CELF2: variants seen among roughly 807,000 people sequenced by gnomAD.
CELF2 encodes the protein CUG triplet repeat RNA-binding protein 2.
Under a neutral mutation model 62.6 loss-of-function variants are expected in CELF2, and 8 were observed. That is an observed-to-expected ratio of 0.13 (90% CI 0.07 to 0.23). The LOEUF (loss-of-function observed/expected upper bound fraction) is 0.23, where lower values mean the gene tolerates loss of function less well. Among genes scored for constraint, CELF2 ranks in the 10% least tolerant of loss-of-function variants. The pLI is 1.00. For synonymous variants in CELF2, 258 were observed against 250.0 expected (o/e 1.03, Z -0.30); for missense variants, 333 against 671.0 (o/e 0.50, Z 5.56).
At chr10:11,129,661 G>A (rs2059312409) in intron 1 of CELF2, among the ~76,000 whole-genome samples, 1 of 152,166 alleles carries the variant, frequency 6.6e-6, no homozygotes, top group African/African-American at 2.4e-5. Context: ...TAGTTTGTTT[G>A]TGTAGAGGTG....
At chr10:11,230,375 C>T (rs946587831) in intron 3 of CELF2, among the ~76,000 whole-genome samples, 3 of 152,122 alleles carry the variant, frequency 2.0e-5, no homozygotes, top group African/African-American at 4.8e-5. Context: ...TCTGTAGAAC[C>T]GGTCCTCTCC....
At chr10:10,782,379 T>C in the CELF2 span, among the ~76,000 whole-genome samples, 1 of 152,176 alleles carries the variant, frequency 6.6e-6, no homozygotes, top group Admixed American at 6.5e-5. Context: ...GCTCAATCAG[T>C]GAGGCAGAAA....
At chr10:10,511,173 G>T in the CELF2 span, among the ~76,000 whole-genome samples, 1 of 152,202 alleles carries the variant, frequency 6.6e-6, no homozygotes, top group East Asian at 1.9e-4. Context: ...ACTTTGGGAG[G>T]CCAAGGTGGA....
At chr10:10,557,757 G>T in the CELF2 span, among the ~76,000 whole-genome samples, 3 of 146,140 alleles carry the variant, frequency 2.1e-5, no homozygotes, top group African/African-American at 7.6e-5. Flanking sequence ...CACATCCCTT[G>T]TAAGTTGGAT....
At chr10:10,793,057 G>A in the CELF2 span, among the ~76,000 whole-genome samples, 162 of 152,282 alleles carry the variant, frequency 1.1e-3, 2 homozygotes, top group African/African-American at 3.5e-3. Flanking sequence ...AGACACATAC[G>A]TGGACCCCAA....
intron 2 of CELF2, among the ~76,000 whole-genome samples, chr10:10,954,553 C>T (rs2048699285): frequency 6.6e-6 from 1 of 152,136 alleles, no homozygotes; most frequent in Non-Finnish European, 1.5e-5. Context: ...GCCAATTTGG[C>T]AACTTCTAAC....
chr10:10,892,130 C>T (rs2062189858), intron 1 of CELF2, among the ~76,000 whole-genome samples: 1 of 152,148 alleles, frequency 6.6e-6, no homozygotes, highest in Non-Finnish European at 1.5e-5. Flanking sequence ...CTTTCTTGAA[C>T]TCCACTTTTG....
chr10:10,712,173 A>AAAAAC, the CELF2 span, among the ~76,000 whole-genome samples: 125 of 149,482 alleles, frequency 8.4e-4, 1 homozygote, highest in African/African-American at 3.0e-3. Flanking sequence ...AAAAAAAAAA[A>AAAAAC]CTGGAATCTC....
intron 1 of CELF2, among the ~76,000 whole-genome samples, chr10:11,151,873 G>A (rs1189170815): frequency 6.6e-6 from 1 of 152,142 alleles, no homozygotes; most frequent in Admixed American, 6.5e-5. Context: ...AGTCTCACTC[G>A]GGTCATGCTC....
rs1565775481 is a variant in CELF2 at position 11,285,868 on chromosome 10, TG to T, written c.842-2549del. Among the ~76,000 whole-genome samples the T allele has an allele frequency of 5.2e-5, 7 of 135,006 alleles. No homozygotes were observed. Among genetic ancestry groups the T allele is most frequent in the Non-Finnish European group, 1.0e-4 (7 of 66,882 alleles). 88.6% of individuals were successfully genotyped at this position (135,006 alleles called of 152,430 possible). On this transcript the variant is annotated intron_variant, in intron 8 of 12. Coordinates refer to ENST00000633077, the MANE Select transcript of CELF2 (RefSeq NM_001326342.2). This position sits in a 1 kb window ranked among gnomAD's most constrained non-coding sequence, Gnocchi z 4.3. ...GTGTGTGTGTGTGTGTGTGTGTGTG[TG>T]TGTGTGTGTTTTTACATGGACTTGA...
chr10:10,571,481 C>A, the CELF2 span, among the ~76,000 whole-genome samples: 1 of 150,190 alleles, frequency 6.7e-6, no homozygotes, highest in Admixed American at 6.7e-5. Flanking sequence ...GAAGTATTGG[C>A]AAATAGGCTT....
At chr10:10,844,139 C>T (rs1262881980) in intron 1 of CELF2, among the ~76,000 whole-genome samples, 1 of 151,624 alleles carries the variant, frequency 6.6e-6, no homozygotes, top group African/African-American at 2.4e-5. Flanking sequence ...TATTTTTTTC[C>T]TCACAAATAG....
At position 11,064,621 on chromosome 10, in the gene CELF2, T is replaced by A. The variant is rs145092016; in HGVS notation, c.74+46458T>A. Among the ~76,000 whole-genome samples the A allele has an allele frequency of 4.8e-3, 725 of 152,304 alleles. 7 individuals are homozygous for A. Among genetic ancestry groups the A allele is most frequent in the African/African-American group, 0.017 (704 of 41,556 alleles). ...GTATTTTGACCTGTTCTGCTTCAAA[T>A]AGAGTATATAAATGTCTCAATCCCC... On this transcript the variant is annotated intron_variant, in intron 1 of 12. Coordinates refer to ENST00000633077, the MANE Select transcript of CELF2 (RefSeq NM_001326342.2).
At chr10:11,182,426 A>G (rs947663792) in intron 2 of CELF2, among the ~76,000 whole-genome samples, 7 of 152,186 alleles carry the variant, frequency 4.6e-5, no homozygotes, top group African/African-American at 1.4e-4. Flanking sequence ...AGCCAAGTGC[A>G]TGTTTGGAAC....
At chr10:10,645,500 A>G in the CELF2 span, among the ~76,000 whole-genome samples, 1 of 152,078 alleles carries the variant, frequency 6.6e-6, no homozygotes, top group Non-Finnish European at 1.5e-5. Context: ...CAAAAAATAG[A>G]AAAATTAGGC....
chr10:10,890,100 T>C (rs578093738), intron 1 of CELF2, among the ~76,000 whole-genome samples: 1 of 152,248 alleles, frequency 6.6e-6, no homozygotes, highest in African/African-American at 2.4e-5. Flanking sequence ...TTCAGTGGCA[T>C]GTAGATATGA....
At chr10:11,129,268 G>C (rs147212835) in intron 1 of CELF2, among the ~76,000 whole-genome samples, 5,663 of 152,284 alleles carry the variant, frequency 0.037, 130 homozygotes, top group Middle Eastern at 0.048. Flanking sequence ...TGTGCTGCTG[G>C]ATTCGGTTTG....
chr10:11,157,936 G>A lies in CELF2; in HGVS notation c.75-7550G>A, dbSNP rs991811966. Among the ~76,000 whole-genome samples, 18 of 152,230 alleles carry A rather than the reference G, an allele frequency of 1.2e-4. No individual in the cohort carries two copies. The highest frequency in any genetic ancestry group is 2.9e-5 in the Non-Finnish European group (2 of 68,042). ...TAGTCTGCAGGGAATCAGATGTCGT[G>A]TGTCTTTCGTTTGCCCCCCTTGATG... is the stretch of plus-strand genomic sequence containing the variant. On this transcript the variant is annotated intron_variant, in intron 1 of 12. Transcript: ENST00000633077. This position sits in a 1 kb window ranked among gnomAD's most constrained non-coding sequence, Gnocchi z 4.9.
At chr10:11,293,575 G>A (rs1400329285) in intron 9 of CELF2, among the ~76,000 whole-genome samples, 4 of 152,292 alleles carry the variant, frequency 2.6e-5, no homozygotes, top group African/African-American at 2.4e-5. Context: ...TGCTGGCCAG[G>A]CGTTCTGCAG....
Sources: allele counts gnomAD v4.1 joint callset (sites outside exome capture counted in the v4.1 genomes callset), GRCh38; gene constraint gnomAD v4.1.1; non-coding constraint Gnocchi (gnomAD v3.1); transcripts MANE v1.5; gene names NCBI Gene and HGNC (gene_info 2026-07-23, HGNC 2026-07-21).